ADGRB3: variants seen among roughly 807,000 people sequenced by gnomAD.
ADGRB3 encodes brain-specific angiogenesis inhibitor 3.
ADGRB3 carries 37 observed loss-of-function variants against 193.4 expected under a neutral mutation model. The ratio of observed to expected loss-of-function variants is 0.19; its 90% CI spans 0.15 to 0.25. The LOEUF (loss-of-function observed/expected upper bound fraction) is 0.25, where lower values mean the gene tolerates loss of function less well. Ranked by LOEUF, ADGRB3 falls within the 10% of genes least tolerant of loss-of-function variation. The pLI is 1.00. For synonymous variants in ADGRB3, 690 were observed against 644.2 expected (o/e 1.07, Z -1.08); for missense variants, 1,637 against 1,852.9 (o/e 0.88, Z 2.14).
In ADGRB3 at chr6:68,852,105, A is replaced by G. The variant is rs182385686; in HGVS notation, c.758-78454A>G. Among the ~76,000 whole-genome samples, 8 of 152,026 alleles carry G rather than the reference A, an allele frequency of 5.3e-5. No individual in the cohort carries two copies. In the East Asian group the frequency reaches 7.7e-4, roughly 15 times the overall value. ...CAGTTGTTACTATGCTTCCTCCCAAATACATTTACAATTTATATTTCCTCT... is the reference window on the plus strand; with the variant it reads ...CAGTTGTTACTATGCTTCCTCCCAAGTACATTTACAATTTATATTTCCTCT... On this transcript the variant is annotated intron_variant, in intron 3 of 31. Transcript: ENST00000370598.
chr6:69,077,352 G>A (rs2150313085), intron 17 of ADGRB3, among the ~76,000 whole-genome samples: 1 of 150,088 alleles, frequency 6.7e-6, no homozygotes, highest in Admixed American at 6.6e-5. Flanking sequence ...CTAGTTGAAT[G>A]TTTTCGGCCC....
At chr6:69,103,634 A>T (rs60694009) in intron 17 of ADGRB3, among the ~76,000 whole-genome samples, 3 of 151,860 alleles carry the variant, frequency 2.0e-5, no homozygotes, top group Non-Finnish European at 4.4e-5. Context: ...TGTGGCTTTT[A>T]TCTTTAATTT....
chr6:68,811,799 A>T (rs995138215), intron 3 of ADGRB3, among the ~76,000 whole-genome samples: 1 of 152,152 alleles, frequency 6.6e-6, no homozygotes, highest in Admixed American at 6.5e-5. Flanking sequence ...GCAAATACAG[A>T]ACATCTGAAT....
chr6:69,106,701 A>G (rs1773225170), intron 17 of ADGRB3, among the ~76,000 whole-genome samples: 1 of 152,226 alleles, frequency 6.6e-6, no homozygotes, highest in Non-Finnish European at 1.5e-5. Context: ...TGTGTAAAGG[A>G]CTGAGCTGCT....
chr6:68,739,572 T>C (rs1216888412), intron 3 of ADGRB3, among the ~76,000 whole-genome samples: 2 of 152,126 alleles, frequency 1.3e-5, no homozygotes, highest in African/African-American at 4.8e-5. Context: ...ATAGACATGA[T>C]GGTGAGAGCC....
At chr6:69,159,616 G>T (rs1367276884) in intron 17 of ADGRB3, among the ~76,000 whole-genome samples, 2 of 152,034 alleles carry the variant, frequency 1.3e-5, no homozygotes, top group African/African-American at 4.8e-5. Context: ...GGAAGTGAAG[G>T]AGTGAGAAAG....
At chr6:69,349,179 T>G (rs1037504281) in intron 26 of ADGRB3, among the ~76,000 whole-genome samples, 1 of 152,254 alleles carries the variant, frequency 6.6e-6, no homozygotes, top group Non-Finnish European at 1.5e-5. Context: ...GATCCTGGTG[T>G]ATGACACATA....
chr6:68,698,122 ATAATAT>A (rs1561997953), intron 3 of ADGRB3, among the ~76,000 whole-genome samples: 1 of 151,866 alleles, frequency 6.6e-6, no homozygotes, highest in Non-Finnish European at 1.5e-5. Flanking sequence ...TATTATGGTT[ATAATAT>A]ATATTATAAA....
At chr6:69,285,676 T>A (rs928487699) in intron 20 of ADGRB3, among the ~76,000 whole-genome samples, 1 of 151,722 alleles carries the variant, frequency 6.6e-6, no homozygotes, top group African/African-American at 2.4e-5. Context: ...ATCTTAAAAA[T>A]AAATAAATAA....
chr6:69,350,852 G>T (rs1374364918), intron 26 of ADGRB3, among the ~76,000 whole-genome samples: 1 of 151,598 alleles, frequency 6.6e-6, no homozygotes. Context: ...TTCTTCATCA[G>T]CACAATTCAC....
chr6:69,364,807 G>A (rs909351312), intron 29 of ADGRB3, among the ~76,000 whole-genome samples: 3 of 152,090 alleles, frequency 2.0e-5, no homozygotes, highest in Admixed American at 6.6e-5. Flanking sequence ...TGAACAAAAT[G>A]TGATGAGTGC....
intron 3 of ADGRB3, among the ~76,000 whole-genome samples, chr6:68,654,630 A>T (rs964995886): frequency 2.6e-5 from 4 of 151,930 alleles, no homozygotes; most frequent in Non-Finnish European, 5.9e-5. Context: ...ATATGGCATT[A>T]AATGCTCACA....
chr6:69,016,499 AT>A (rs1770097264), intron 12 of ADGRB3, among the ~76,000 whole-genome samples: 2 of 151,936 alleles, frequency 1.3e-5, no homozygotes, highest in South Asian at 4.1e-4. Flanking sequence ...TCACTTGGTA[AT>A]TGGCAGTGAC....
intron 3 of ADGRB3, among the ~76,000 whole-genome samples, chr6:68,818,229 C>T (rs750639826): frequency 5.3e-5 from 8 of 151,950 alleles, no homozygotes; most frequent in Non-Finnish European, 1.2e-4. Context: ...TTTAATTATG[C>T]GGGAAAACAA....
At chr6:68,687,558 T>C (rs1414467780) in intron 3 of ADGRB3, among the ~76,000 whole-genome samples, 1 of 152,130 alleles carries the variant, frequency 6.6e-6, no homozygotes, top group Non-Finnish European at 1.5e-5. Context: ...TATCTTCTTT[T>C]CAAATAAAAA....
intron 3 of ADGRB3, among the ~76,000 whole-genome samples, chr6:68,752,833 A>T (rs1311946783): frequency 4.6e-5 from 7 of 152,320 alleles, no homozygotes; most frequent in South Asian, 4.1e-4. Context: ...GTTGGTATAC[A>T]CTTGTGAGAT....
At chr6:69,155,535 C>T (rs761260447) in intron 17 of ADGRB3, among the ~76,000 whole-genome samples, 5 of 151,864 alleles carry the variant, frequency 3.3e-5, no homozygotes, top group African/African-American at 1.2e-4. Flanking sequence ...CAAAGTTTAC[C>T]CAATAGTATT....
At chr6:69,317,393 G>T (rs1768336561) in intron 20 of ADGRB3, among the ~76,000 whole-genome samples, 1 of 151,390 alleles carries the variant, frequency 6.6e-6, no homozygotes, top group African/African-American at 2.4e-5. Flanking sequence ...TAGTGAGATT[G>T]GTATCTGACT....
chr6:68,794,833 A>AG (rs1767176039), intron 3 of ADGRB3, among the ~76,000 whole-genome samples: 1 of 152,070 alleles, frequency 6.6e-6, no homozygotes, highest in Non-Finnish European at 1.5e-5. Flanking sequence ...GTATATGACT[A>AG]TTTACTGTGG....
Sources: gnomAD v4.1 joint callset for allele counts (sites outside exome capture counted in the v4.1 genomes callset) on GRCh38, gnomAD v4.1.1 for gene constraint, MANE v1.5 for transcripts, NCBI Gene and HGNC (gene_info 2026-07-23, HGNC 2026-07-21) for gene names.